ZMAT4: variants seen among roughly 807,000 people sequenced by gnomAD.
ZMAT4 encodes the protein zinc finger matrin-type protein 4.
ZMAT4 carries 17 observed loss-of-function variants against 28.7 expected under a neutral mutation model. The ratio of observed to expected loss-of-function variants is 0.59; its 90% confidence interval spans 0.41 to 0.89. The LOEUF (loss-of-function observed/expected upper bound fraction) is 0.89. Ranked by LOEUF, ZMAT4 falls within the 40% of genes least tolerant of loss-of-function variation. ZMAT4 has a pLI of 0.00. For synonymous variants in ZMAT4, 117 were observed against 109.2 expected (o/e 1.07, Z -0.44); for missense variants, 240 against 283.8 (o/e 0.85, Z 1.11).
intron 1 of ZMAT4, among the ~76,000 whole-genome samples, chr8:40,862,648 A>T (rs573997541): frequency 2.4e-4 from 37 of 151,166 alleles, no homozygotes; most frequent in Middle Eastern, 3.4e-3. Flanking sequence ...GCCATAAAAA[A>T]GGATGAGTTC....
chr8:40,706,576 T>C (rs34691680), intron 3 of ZMAT4, among the ~76,000 whole-genome samples: 47,639 of 152,050 alleles, frequency 0.31, 9,233 homozygotes, highest in Middle Eastern at 0.53. Context: ...GTCAGTCTTC[T>C]TGTCAAAAAC....
At chr8:40,798,509 C>T (rs1586069267) in intron 2 of ZMAT4, among the ~76,000 whole-genome samples, 1 of 152,172 alleles carries the variant, frequency 6.6e-6, no homozygotes, top group Non-Finnish European at 1.5e-5. Context: ...CCTCTTACTC[C>T]CTGACTGATT....
In ZMAT4 at chr8:40,835,027, C is replaced by T. The variant is rs534456580; in HGVS notation, c.-4-9347G>A. ...GATGGAGCGCAGATGTCAGGGAAAG[C>T]GTGGATGTTTTTGTAGAACACTAAT... On this transcript the variant is annotated intron_variant, in intron 1 of 6. Coordinates refer to ENST00000297737, the MANE Select transcript of ZMAT4 (RefSeq NM_024645.3). Among the ~76,000 whole-genome samples the T allele has an allele frequency of 2.7e-4, 41 of 152,310 alleles. No individual in the cohort carries two copies. The South Asian group carries it at 6.2e-3, about 23-fold the overall frequency.
At chr8:40,799,829 A>G (rs1295172278) in intron 2 of ZMAT4, among the ~76,000 whole-genome samples, 4 of 152,230 alleles carry the variant, frequency 2.6e-5, no homozygotes, top group Non-Finnish European at 5.9e-5. Flanking sequence ...ATTATGAGAT[A>G]CACCAACCAT....
chr8:40,672,728 C>A lies in ZMAT4; in HGVS notation c.577+1976G>T, dbSNP rs142896646. The stretch of plus-strand genomic sequence containing the variant: ...AAAGTCCTATTTTTCTCCTTCACTG[C>A]CCAGCTGGGAAGGAGTCACTGAGAC... On this transcript the variant is annotated intron_variant, in intron 5 of 6. Transcript: ENST00000297737. 2.0e-5 allele frequency among the ~76,000 whole-genome samples: 3 copies of A among 152,250 alleles called. No individual in the cohort carries two copies. In the East Asian group the frequency reaches 5.8e-4, roughly 29 times the overall value.
chr8:40,611,553 G>A (rs1805796086), intron 5 of ZMAT4, among the ~76,000 whole-genome samples: 1 of 152,118 alleles, frequency 6.6e-6, no homozygotes, highest in South Asian at 2.1e-4. Context: ...TGTTAGCCAG[G>A]ATGGTCTCGA....
chr8:40,536,435 A>G (rs1802849655), intron 6 of ZMAT4, among the ~76,000 whole-genome samples: 1 of 152,200 alleles, frequency 6.6e-6, no homozygotes, highest in Non-Finnish European at 1.5e-5. Context: ...CTGGGTTCCC[A>G]GCACCTTCTG....
At chr8:40,553,170 C>T (rs1374675508) in intron 6 of ZMAT4, among the ~76,000 whole-genome samples, 3 of 152,150 alleles carry the variant, frequency 2.0e-5, no homozygotes, top group Non-Finnish European at 4.4e-5. Flanking sequence ...AGCCATGGAA[C>T]AGAGGCCTCC....
chr8:40,683,003 G>T (rs1316951434), intron 4 of ZMAT4, among the ~76,000 whole-genome samples: 1 of 152,090 alleles, frequency 6.6e-6, no homozygotes, highest in South Asian at 2.1e-4. Context: ...CACATTCTTT[G>T]CCTTGAAATC....
At chr8:40,695,784 T>C (rs1287784261) in intron 4 of ZMAT4, among the ~76,000 whole-genome samples, 2 of 143,092 alleles carry the variant, frequency 1.4e-5, no homozygotes, top group Admixed American at 1.4e-4. Context: ...TTTTTTTTTT[T>C]TTTTTTTTTT....
At chr8:40,759,324 T>C (rs954127385) in intron 3 of ZMAT4, among the ~76,000 whole-genome samples, 3 of 150,110 alleles carry the variant, frequency 2.0e-5, no homozygotes, top group Non-Finnish European at 4.4e-5. Flanking sequence ...GTCTAGAATC[T>C]ATGGTTGCTA....
At chr8:40,723,543 A>AC in intron 3 of ZMAT4, among the ~76,000 whole-genome samples, 1 of 5,956 alleles carries the variant, frequency 1.7e-4, no homozygotes. Context: ...ATTCCATCTC[A>AC]AAAAAAAAAA....
chr8:40,705,489 A>G (rs1810312406), intron 3 of ZMAT4, among the ~76,000 whole-genome samples: 1 of 152,194 alleles, frequency 6.6e-6, no homozygotes, highest in Non-Finnish European at 1.5e-5. Context: ...CAGTATCTAG[A>G]GCAGCATCGT....
chr8:40,838,451 T>C (rs1480210024), intron 1 of ZMAT4, among the ~76,000 whole-genome samples: 1 of 152,126 alleles, frequency 6.6e-6, no homozygotes, highest in Non-Finnish European at 1.5e-5. Context: ...CAAGCAAACC[T>C]CCTGCCTCAG....
chr8:40,767,079 T>C (rs1262562924), intron 3 of ZMAT4, among the ~76,000 whole-genome samples: 1 of 152,202 alleles, frequency 6.6e-6, no homozygotes, highest in Non-Finnish European at 1.5e-5. Context: ...CTGGCTGAAA[T>C]AAGCCCTTTG....
At chr8:40,800,390 A>G (rs1814787328) in intron 2 of ZMAT4, among the ~76,000 whole-genome samples, 1 of 152,218 alleles carries the variant, frequency 6.6e-6, no homozygotes, top group Non-Finnish European at 1.5e-5. Flanking sequence ...AATCAATGGA[A>G]TATAATGGAT....
intron 6 of ZMAT4, among the ~76,000 whole-genome samples, chr8:40,570,983 A>G (rs566939518): frequency 6.6e-6 from 1 of 152,154 alleles, no homozygotes; most frequent in East Asian, 1.9e-4. Flanking sequence ...TCGTAAGAAC[A>G]TGAGAGGTAT....
chr8:40,596,301 T>A (rs1419057025), intron 5 of ZMAT4, among the ~76,000 whole-genome samples: 2 of 152,162 alleles, frequency 1.3e-5, no homozygotes, highest in Non-Finnish European at 2.9e-5. Flanking sequence ...TACGCTAAAT[T>A]TATAAAAACT....
rs146086453 is a variant in ZMAT4 at position 40,754,036 on chromosome 8, G to A, written c.192+13605C>T. On this transcript the variant is annotated intron_variant, in intron 3 of 6. Coordinates refer to ENST00000297737, the MANE Select transcript of ZMAT4 (RefSeq NM_024645.3). ...AAAATACAAAAATTAGCTGGGCATGGTGGCACACGCCTGTAGTCTCAGCTA... is the reference window on the plus strand; with the variant it reads ...AAAATACAAAAATTAGCTGGGCATGATGGCACACGCCTGTAGTCTCAGCTA... 4.8e-3 allele frequency among the ~76,000 whole-genome samples: 734 copies of A among 152,118 alleles called. 5 individuals carry two copies. Among genetic ancestry groups the A allele is most frequent in the Admixed American group, 7.5e-3 (115 of 15,290 alleles).
Sources: gnomAD v4.1 joint callset for allele counts (sites outside exome capture counted in the v4.1 genomes callset) on GRCh38, gnomAD v4.1.1 for gene constraint, MANE v1.5 for transcripts, NCBI Gene and HGNC (gene_info 2026-07-23, HGNC 2026-07-21) for gene names.